The following LRRC4C variants were observed in gnomAD, a reference collection of about 807,000 sequenced individuals.
LRRC4C encodes the protein leucine rich repeat containing 4C, also known as leucine-rich repeat-containing protein 4C.
A neutral mutation model predicts 33.6 loss-of-function variants in LRRC4C; 5 were observed. The ratio of observed to expected loss-of-function variants is 0.15; its 90% confidence interval spans 0.08 to 0.31. The LOEUF is 0.31. Ranked by LOEUF, LRRC4C falls within the 10% of genes least tolerant of loss-of-function variation. The pLI, the probability that LRRC4C is intolerant of heterozygous loss-of-function variation, is 1.00. For missense variants in LRRC4C, 560 were observed against 796.7 expected, an observed-to-expected ratio of 0.70 and a Z score of 3.58; for synonymous variants, 329 against 302.0, an observed-to-expected ratio of 1.09 and a Z score of -0.93.
intron 3 of LRRC4C, among the ~76,000 whole-genome samples, chr11:40,537,045 T>G (rs1303908113): frequency 3.3e-5 from 5 of 152,140 alleles, no homozygotes; most frequent in Non-Finnish European, 7.4e-5. Flanking sequence ...GTGTTTAATG[T>G]GAGTGAACCC....
intron 1 of LRRC4C, among the ~76,000 whole-genome samples, chr11:41,100,014 A>G (rs963990142): frequency 6.6e-6 from 1 of 152,170 alleles, no homozygotes; most frequent in African/African-American, 2.4e-5. Flanking sequence ...CTCCCAAAAA[A>G]AAGTACAAAA....
chr11:41,345,093 G>A (rs1951762700), intron 1 of LRRC4C, among the ~76,000 whole-genome samples: 1 of 152,164 alleles, frequency 6.6e-6, no homozygotes, highest in Admixed American at 6.5e-5. Flanking sequence ...CTGGACAATA[G>A]TTATGATGAA....
intron 1 of LRRC4C, among the ~76,000 whole-genome samples, chr11:41,102,845 C>T (rs193230197): frequency 6.6e-6 from 1 of 152,030 alleles, no homozygotes; most frequent in African/African-American, 2.4e-5. Flanking sequence ...TGCTAATGTA[C>T]ATAAATCTCT....
At chr11:40,911,490 C>G (rs751046387) in intron 2 of LRRC4C, among the ~76,000 whole-genome samples, 2 of 152,208 alleles carry the variant, frequency 1.3e-5, no homozygotes, top group Non-Finnish European at 2.9e-5. Context: ...AGGGTCCTGA[C>G]TCTTAGAAGG....
chr11:41,068,112 G>T (rs1480712629), intron 1 of LRRC4C, among the ~76,000 whole-genome samples: 1 of 152,146 alleles, frequency 6.6e-6, no homozygotes, highest in Non-Finnish European at 1.5e-5. Context: ...CATCAATGAG[G>T]CCAGGTGTGG....
rs182412758 is a variant in LRRC4C at position 40,830,923 on chromosome 11, G to C, written c.-407+102712C>G. On this transcript the variant is annotated intron_variant, in intron 2 of 6. Transcript: ENST00000528697. ...TATTAGCTGCAGTAAAGTGGCTGTT[G>C]AAATGAATTACAATGTCCAGTTTGA... Among the ~76,000 whole-genome samples the C allele has an allele frequency of 2.8e-3, 432 of 152,216 alleles. 2 individuals are homozygous for C. Among genetic ancestry groups the C allele is most frequent in the South Asian group, 0.017 (82 of 4,824 alleles).
chr11:40,930,900 G>GT (rs1957589967), intron 2 of LRRC4C, among the ~76,000 whole-genome samples: 1 of 152,160 alleles, frequency 6.6e-6, no homozygotes, highest in Non-Finnish European at 1.5e-5. Flanking sequence ...AAACAGAAAA[G>GT]TTAATTAAAC....
chr11:40,249,063 C>T (rs1334473775), intron 4 of LRRC4C, among the ~76,000 whole-genome samples: 4 of 152,128 alleles, frequency 2.6e-5, no homozygotes, highest in East Asian at 1.9e-4. Context: ...GGAGGCTAGG[C>T]GTGGTGGCTC....
rs201069869 is a variant in LRRC4C at position 41,231,537 on chromosome 11, G to A, written c.-496+227894C>T. 5.4e-4 allele frequency among the ~76,000 whole-genome samples: 80 copies of A among 146,792 alleles called. No individual in the cohort carries two copies. In the East Asian group the frequency reaches 0.015, roughly 28 times the overall value. On this transcript the variant is annotated intron_variant, in intron 1 of 6. Transcript: ENST00000528697. The stretch of plus-strand genomic sequence containing the variant: ...AAGGACAAAAAACCAAACACCGCAT[G>A]TTCTCACTCATAGGTGGGAATTGAA...
chr11:40,321,980 T>C (rs1404351756), intron 3 of LRRC4C, among the ~76,000 whole-genome samples: 2 of 152,148 alleles, frequency 1.3e-5, no homozygotes, highest in African/African-American at 4.8e-5. Context: ...AGAGAAGTAC[T>C]ATGACAGGTG....
intron 1 of LRRC4C, among the ~76,000 whole-genome samples, chr11:41,067,627 C>T (rs1425321278): frequency 6.6e-6 from 1 of 152,208 alleles, no homozygotes; most frequent in Non-Finnish European, 1.5e-5. Flanking sequence ...TTCAGTGCCG[C>T]ATGGCACTTA....
chr11:40,912,068 G>T (rs1433763264), intron 2 of LRRC4C, among the ~76,000 whole-genome samples: 1 of 152,164 alleles, frequency 6.6e-6, no homozygotes, highest in East Asian at 1.9e-4. Flanking sequence ...ATCTACATCT[G>T]ATTAGCGTAC....
chr11:41,017,054 G>A lies in LRRC4C; in HGVS notation c.-495-83331C>T, dbSNP rs889424686. On this transcript the variant is annotated intron_variant, in intron 1 of 6. Transcript: ENST00000528697. The stretch of plus-strand genomic sequence containing the variant: ...AGGGGTAGGATCAGTTGATACCTGA[G>A]ACTGAATTTGAAATCAAGAGAGCAT... Among the ~76,000 whole-genome samples the A allele has an allele frequency of 5.3e-5, 8 of 152,148 alleles. No homozygotes were observed. The East Asian group carries it at 1.5e-3, about 29-fold the overall frequency.
chr11:41,069,420 G>A (rs1403730148), intron 1 of LRRC4C, among the ~76,000 whole-genome samples: 1 of 152,036 alleles, frequency 6.6e-6, no homozygotes, highest in Non-Finnish European at 1.5e-5. Flanking sequence ...TTCTGGCCAG[G>A]GCAATCAGGC....
intron 3 of LRRC4C, among the ~76,000 whole-genome samples, chr11:40,485,388 A>G (rs529888087): frequency 6.6e-6 from 1 of 151,862 alleles, no homozygotes; most frequent in African/African-American, 2.4e-5. Flanking sequence ...TCCCTCTTTC[A>G]TATATTAGAG....
intron 1 of LRRC4C, among the ~76,000 whole-genome samples, chr11:41,093,089 ATAGT>A (rs1196008841): frequency 1.3e-5 from 2 of 152,204 alleles, no homozygotes; most frequent in Non-Finnish European, 2.9e-5. Flanking sequence ...TCTGTTGATA[ATAGT>A]TATTTTCATT....
chr11:40,325,425 A>T (rs1946048627), intron 3 of LRRC4C, among the ~76,000 whole-genome samples: 2 of 152,186 alleles, frequency 1.3e-5, no homozygotes, highest in African/African-American at 2.4e-5. Context: ...TTGAGCCAGG[A>T]GTTCAAGATC....
At chr11:40,359,910 G>C (rs1220038521) in intron 3 of LRRC4C, among the ~76,000 whole-genome samples, 1 of 152,026 alleles carries the variant, frequency 6.6e-6, no homozygotes, top group Non-Finnish European at 1.5e-5. Flanking sequence ...AGATTCAAGG[G>C]AAAAAAGTGA....
chr11:40,364,417 G>T (rs554075831), intron 3 of LRRC4C, among the ~76,000 whole-genome samples: 62 of 152,122 alleles, frequency 4.1e-4, no homozygotes, highest in African/African-American at 1.5e-3. Flanking sequence ...AGCTTTTAAA[G>T]GTAGTTAATA....
Sources: gnomAD v4.1 joint callset for allele counts (sites outside exome capture counted in the v4.1 genomes callset) on GRCh38, gnomAD v4.1.1 for gene constraint, MANE v1.5 for transcripts, NCBI Gene and HGNC (gene_info 2026-07-23, HGNC 2026-07-21) for gene names.